The following FBXO34 variants were observed in gnomAD, a reference collection of about 807,000 sequenced individuals.
The protein encoded by FBXO34 is F-box only protein 34.
A neutral mutation model predicts 24.5 loss-of-function variants in FBXO34; 12 were observed. The observed-to-expected ratio is 0.49, with a 90% CI of 0.31 to 0.79. The LOEUF is 0.79. FBXO34 is among the 30% of genes least tolerant of loss of function. The pLI is 0.04. For synonymous variants in FBXO34, 320 were observed against 311.9 expected (o/e 1.03, Z -0.27); for missense variants, 823 against 857.7 (o/e 0.96, Z 0.51).
chr14:55,428,211 G>A, the FBXO34 span, among the ~76,000 whole-genome samples: 1 of 132,876 alleles, frequency 7.5e-6, no homozygotes, highest in Non-Finnish European at 1.5e-5. Flanking sequence ...CTCACTGCAA[G>A]CTCCACCTCC....
rs79277996 is a variant in FBXO34, at chr14:55,329,309, G to T, written c.-10-21072G>T. Among the ~76,000 whole-genome samples the T allele has an allele frequency of 8.4e-3, 1,283 of 152,038 alleles. 22 individuals carry two copies. The highest frequency in any genetic ancestry group is 0.03 in the African/African-American group (1,229 of 41,488). On this transcript the variant is annotated intron_variant, in intron 1 of 1. Coordinates refer to ENST00000313833, the MANE Select transcript of FBXO34 (RefSeq NM_017943.4). ...TAACTTTGAGATGACTGAGAAAATT[G>T]GGGAGAATTAGTTGGTAATGGATGA...
the FBXO34 span, among the ~76,000 whole-genome samples, chr14:55,380,949 TAA>T: frequency 6.7e-6 from 1 of 148,994 alleles, no homozygotes; most frequent in Non-Finnish European, 1.5e-5. Flanking sequence ...TAAATGAAAT[TAA>T]AGTCTGACCT....
intron 1 of FBXO34, among the ~76,000 whole-genome samples, chr14:55,274,130 A>G (rs752281776): frequency 1.3e-5 from 2 of 152,178 alleles, no homozygotes; most frequent in Admixed American, 6.5e-5. Context: ...ATGGGAAAGG[A>G]TGAAAGTCAG....
chr14:55,421,242 A>C, the FBXO34 span, among the ~76,000 whole-genome samples: 1 of 152,060 alleles, frequency 6.6e-6, no homozygotes, highest in Non-Finnish European at 1.5e-5. Flanking sequence ...AGGACTTGAA[A>C]GTGTGTTTCC....
At chr14:55,322,205 G>A (rs979205301) in intron 1 of FBXO34, among the ~76,000 whole-genome samples, 1 of 151,522 alleles carries the variant, frequency 6.6e-6, no homozygotes, top group Non-Finnish European at 1.5e-5. Flanking sequence ...AGCTACTTAG[G>A]AGGCTGAGGC....
chr14:55,403,092 C>T, the FBXO34 span, among the ~76,000 whole-genome samples: 1 of 149,732 alleles, frequency 6.7e-6, no homozygotes, highest in Admixed American at 6.7e-5. Flanking sequence ...ATACTTTGGC[C>T]TGGATGGCAG....
At chr14:55,350,323 C>A in intron 1 of FBXO34, 58 bp from the exon 2 acceptor site, 3 of 1,324,266 alleles carry the variant, frequency 2.3e-6, no homozygotes, top group South Asian at 3.5e-5. Flanking sequence ...AATTTAAAAA[C>A]ATTTTTTTCT....
downstream of FBXO34, among the ~76,000 whole-genome samples, chr14:55,374,653 G>T (rs1367590619): frequency 6.6e-6 from 1 of 151,988 alleles, no homozygotes; most frequent in Non-Finnish European, 1.5e-5. Context: ...TTTTATAGCT[G>T]TATTTTTTTA....
At chr14:55,290,901 C>G (rs1453652666) in intron 1 of FBXO34, among the ~76,000 whole-genome samples, 2 of 152,204 alleles carry the variant, frequency 1.3e-5, no homozygotes, top group African/African-American at 4.8e-5. Flanking sequence ...CTCACTGCAA[C>G]TTCTGCCTCC....
the FBXO34 span, chr14:55,381,907 A>T: frequency 6.7e-7 from 1 of 1,490,794 alleles, no homozygotes; most frequent in African/African-American, 1.4e-5. Context: ...TGTTATGTCA[A>T]TTTTACCTAT....
At chr14:55,330,891 A>G (rs1883510935) in intron 1 of FBXO34, among the ~76,000 whole-genome samples, 2 of 152,168 alleles carry the variant, frequency 1.3e-5, no homozygotes, top group African/African-American at 4.8e-5. Flanking sequence ...TCTCAGCTAG[A>G]ACATAACCTT....
At chr14:55,404,934 A>G in the FBXO34 span, among the ~76,000 whole-genome samples, 1 of 152,198 alleles carries the variant, frequency 6.6e-6, no homozygotes, top group Non-Finnish European at 1.5e-5. Context: ...GAGGGTAGGG[A>G]AGAAATGAGA....
intron 1 of FBXO34, among the ~76,000 whole-genome samples, chr14:55,292,577 G>A (rs1255400477): frequency 6.6e-6 from 1 of 152,064 alleles, no homozygotes; most frequent in African/African-American, 2.4e-5. Context: ...TGCACAGGCT[G>A]GTCTTAACTG....
the FBXO34 span, chr14:55,381,838 G>A: frequency 2.0e-5 from 15 of 744,260 alleles, no homozygotes; most frequent in Non-Finnish European, 2.9e-5. Context: ...GGTGATGGGA[G>A]CACAGTGCTG....
At chr14:55,437,027 T>C in the FBXO34 span, 2 of 1,611,208 alleles carry the variant, frequency 1.2e-6, no homozygotes, top group Non-Finnish European at 1.7e-6. Context: ...TCCTAGGCAG[T>C]TCCCAAAACA....
Position 55,331,753 on chromosome 14 carries a change from A to ATATATGTG in FBXO34, c.-10-18623_-10-18622insGTGTATAT, listed in dbSNP as rs1883576265. 5.0e-5 allele frequency among the ~76,000 whole-genome samples: 3 copies of ATATATGTG among 60,238 alleles called. No individual in the cohort carries two copies. In the African/African-American group the frequency reaches 5.6e-4, roughly 11 times the overall value. The allele number at this position is 60,238 out of a possible 152,430, so 39.5% of individuals were successfully genotyped here. On this transcript the variant is annotated intron_variant, in intron 1 of 1. Transcript: ENST00000313833. Reference sequence around the variant, plus strand: ...TGTATATATATATGTGTGTATATATATATATATGTATATATATATATATAT... The same window carrying ATATATGTG: ...TGTATATATATATGTGTGTATATATATATATGTGTATATATGTATATATATATATATAT...
At chr14:55,403,002 C>T in the FBXO34 span, among the ~76,000 whole-genome samples, 4 of 118,632 alleles carry the variant, frequency 3.4e-5, no homozygotes, top group Admixed American at 9.8e-5. Context: ...TGGCTACAGT[C>T]CTAACTTCTC....
At chr14:55,419,487 A>T in the FBXO34 span, among the ~76,000 whole-genome samples, 1 of 152,220 alleles carries the variant, frequency 6.6e-6, no homozygotes. Flanking sequence ...TAAGAAAAAA[A>T]CATGGGCCCT....
chr14:55,300,728 C>T (rs1444304894), intron 1 of FBXO34, among the ~76,000 whole-genome samples: 2 of 152,174 alleles, frequency 1.3e-5, no homozygotes, highest in Admixed American at 6.5e-5. Flanking sequence ...TAGAGGTGTG[C>T]TTAGCATATA....
Sources: gnomAD v4.1 joint callset for allele counts (sites outside exome capture counted in the v4.1 genomes callset) on GRCh38, gnomAD v4.1.1 for gene constraint, MANE v1.5 for transcripts, NCBI Gene and HGNC (gene_info 2026-07-23, HGNC 2026-07-21) for gene names.